The following NIPA2 variants were observed in gnomAD, a reference collection of about 807,000 sequenced individuals.
NIPA2 encodes the protein NIPA magnesium transporter 2.
NIPA2 carries 11 observed loss-of-function variants against 29.7 expected under a neutral mutation model. The observed-to-expected ratio is 0.37, with a 90% confidence interval of 0.23 to 0.61. NIPA2 has a LOEUF of 0.61. Ranked by LOEUF, NIPA2 falls within the 20% of genes least tolerant of loss-of-function variation. The pLI is 0.66. For synonymous variants in NIPA2, 183 were observed against 161.9 expected, an observed-to-expected ratio of 1.13 and a Z score of -0.99; for missense variants, 426 against 437.9, an observed-to-expected ratio of 0.97 and a Z score of 0.24.
chr15:22,859,290 C>CTTTTTTTT (rs60644942), intron 6 of NIPA2, among the ~76,000 whole-genome samples: 3 of 97,342 alleles, frequency 3.1e-5, no homozygotes, highest in African/African-American at 4.0e-5. Flanking sequence ...ATTTCTTTTT[C>CTTTTTTTT]TTTTTTTTTT....
At chr15:22,860,030 T>C (rs2058510978) in intron 6 of NIPA2, among the ~76,000 whole-genome samples, 1 of 151,576 alleles carries the variant, frequency 6.6e-6, no homozygotes, top group African/African-American at 2.4e-5. Context: ...GAGATTCTTT[T>C]TTTTTTTTTT....
rs1313177990 is a variant in NIPA2, at chr15:22,866,199, T to C, written c.449-14T>C. On this transcript the variant is annotated splice_polypyrimidine_tract_variant and intron_variant, in intron 7 of 7. Transcript: ENST00000337451. ...AACCATTTGACTCATGTAACTTTTC[T>C]TTGCCTCCTCCAGGTTTTGTGGTCT... 6.2e-7 allele frequency: 1 copy of C among 1,603,246 alleles called. No homozygotes were observed. The highest frequency in any genetic ancestry group is 1.1e-5 in the South Asian group (1 of 90,260).
chr15:22,866,459 A>G lies in NIPA2; in HGVS notation c.695A>G (p.Gln232Arg), dbSNP rs879489512. ...AGCCTCATCGTCTGTGTGAGCACAC[A>G]GATTAATTACCTAAATAGGGCCCTG... ...LLSLIVCVST[Q>R]INYLNRALDI... The change falls in exon 8 of 8, where the codon CAG becomes CGG. Residue 232 changes from glutamine (Q) to arginine (R), a missense_variant. Coordinates refer to ENST00000337451, the MANE Select transcript of NIPA2 (RefSeq NM_030922.7). The G allele has an allele frequency of 5.0e-6, 8 of 1,614,056 alleles. No individual in the cohort carries two copies. The Admixed American group carries it at 5.0e-5, about 10-fold the overall frequency.
intron 3 of NIPA2, among the ~76,000 whole-genome samples, chr15:22,846,740 TG>T (rs1898747615): frequency 6.6e-6 from 1 of 151,308 alleles, no homozygotes; most frequent in Non-Finnish European, 1.5e-5. Context: ...CACTTGAGCC[TG>T]GGAAGTCGAG....
Position 22,860,609 on chromosome 15 carries a change from T to G in NIPA2, c.288-20T>G. The G allele has an allele frequency of 6.6e-7, 1 of 1,508,312 alleles. No homozygotes were observed. Among genetic ancestry groups the G allele is most frequent in the East Asian group, 2.4e-5 (1 of 41,376 alleles). 93.4% of individuals were successfully genotyped at this position (1,508,312 alleles called of 1,614,324 possible). A position where few individuals can be genotyped will look rare whatever the true frequency, so the allele number is the denominator to read the frequency against. ...AAGTAGCTGATTAAAGTTCTCAATT[T>G]TTTTTCCTCCCCATTTTAGTGCCAT... On this transcript the variant is annotated intron_variant, in intron 6 of 7. Transcript: ENST00000337451.
intron 4 of NIPA2, among the ~76,000 whole-genome samples, chr15:22,852,091 C>T (rs751619633): frequency 5.3e-5 from 8 of 152,176 alleles, no homozygotes; most frequent in Non-Finnish European, 1.0e-4. Flanking sequence ...CAGTTATCAT[C>T]AAAATGGAAA....
chr15:22,855,427 A>G (rs559151673), intron 5 of NIPA2, among the ~76,000 whole-genome samples: 1 of 152,104 alleles, frequency 6.6e-6, no homozygotes, highest in Admixed American at 6.5e-5. Context: ...AAAAAAAAAA[A>G]ATATTCTGAA....
intron 7 of NIPA2, among the ~76,000 whole-genome samples, chr15:22,865,027 A>G (rs1470858989): frequency 6.6e-6 from 1 of 151,772 alleles, no homozygotes; most frequent in Admixed American, 6.6e-5. Context: ...ACGCCTGGCT[A>G]ATTTTTGTAT....
At chr15:22,846,117 G>T (rs540859208) in intron 3 of NIPA2, among the ~76,000 whole-genome samples, 20 of 152,296 alleles carry the variant, frequency 1.3e-4, no homozygotes, top group Non-Finnish European at 2.4e-4. Context: ...AAGTTTCTTA[G>T]TCTTTCGCTT....
In NIPA2 at chr15:22,860,360, T is replaced by G. The variant is rs142014258; in HGVS notation, c.288-269T>G. 3.8e-3 allele frequency among the ~76,000 whole-genome samples: 584 copies of G among 152,296 alleles called. 6 individuals carry two copies. Among genetic ancestry groups the G allele is most frequent in the African/African-American group, 0.013 (540 of 41,556 alleles). ...AATTAGGATATAAATGTATACAAATTTGTTCTTTATTATAAATTTCATACT... is the reference window on the plus strand; with the variant it reads ...AATTAGGATATAAATGTATACAAATGTGTTCTTTATTATAAATTTCATACT... On this transcript the variant is annotated intron_variant, in intron 6 of 7. Coordinates refer to ENST00000337451, the MANE Select transcript of NIPA2 (RefSeq NM_030922.7).
intron 5 of NIPA2, 93 bp from the exon 6 acceptor site, chr15:22,858,447 A>C: frequency 1.6e-6 from 1 of 643,074 alleles, no homozygotes; most frequent in Admixed American, 3.2e-5. Flanking sequence ...AATACAGTTG[A>C]AATAATATAT....
intron 2 of NIPA2, among the ~76,000 whole-genome samples, chr15:22,843,675 G>T (rs1897783205): frequency 6.6e-6 from 1 of 150,854 alleles, no homozygotes; most frequent in Admixed American, 6.6e-5. Flanking sequence ...TTTTGAGACG[G>T]AGTCTCGCCC....
intron 1 of NIPA2, 75 bp downstream of exon 1, chr15:22,838,996 G>A (rs1220254797): frequency 1.3e-5 from 2 of 152,208 alleles, no homozygotes; most frequent in African/African-American, 4.8e-5. Flanking sequence ...GCCTTGTGTC[G>A]GAGAAGGGTT....
chr15:22,851,934 G>A, intron 4 of NIPA2, 64 bp downstream of exon 4: 1 of 1,363,888 alleles, frequency 7.3e-7, no homozygotes, highest in South Asian at 1.3e-5. Flanking sequence ...CAGGTTCTTT[G>A]TACAAGACCA....
chr15:22,854,347 G>C (rs936851937), intron 5 of NIPA2, among the ~76,000 whole-genome samples: 1 of 151,588 alleles, frequency 6.6e-6, no homozygotes. Flanking sequence ...GGATGGTCTC[G>C]ATCTCCTGAC....
rs1566880567 is a variant in NIPA2, at chr15:22,866,744, T to C, written c.980T>C (p.Met327Thr). 9 of 1,613,876 alleles carry C rather than the reference T, an allele frequency of 5.6e-6. No homozygotes were observed. Among genetic ancestry groups the C allele is most frequent in the Non-Finnish European group, 7.6e-6 (9 of 1,179,782 alleles). The change falls in exon 8 of 8, where the codon ATG becomes ACG. Residue 327 changes from methionine (M) to threonine (T), a missense_variant. Coordinates refer to ENST00000337451, the MANE Select transcript of NIPA2 (RefSeq NM_030922.7). ...EKAMNGNLSN[M>T]YEVLNNNEES... ...GCAATGAATGGCAATCTCTCTAATA[T>C]GTATGAAGTTCTTAATAATAATGAA...
In NIPA2 at chr15:22,867,076, A is replaced by G. The variant is rs1354204704; in HGVS notation, c.*229A>G. The G allele has an allele frequency of 9.9e-6, 5 of 507,496 alleles. No homozygotes were observed. The highest frequency in any genetic ancestry group is 3.4e-6 in the Non-Finnish European group (1 of 292,086). The allele number at this position is 507,496 out of a possible 1,614,324, so 31.4% of individuals were successfully genotyped here. On this transcript the variant is annotated 3_prime_UTR_variant, in exon 8 of 8. Coordinates refer to ENST00000337451, the MANE Select transcript of NIPA2 (RefSeq NM_030922.7). ...ATTTCTATTAACATTTTATTGTTGTAGAAGTATTTTACATTTTCATCCCTT... is the reference window on the plus strand; with the variant it reads ...ATTTCTATTAACATTTTATTGTTGTGGAAGTATTTTACATTTTCATCCCTT...
chr15:22,850,286 AT>A (rs1319684627), intron 3 of NIPA2, among the ~76,000 whole-genome samples: 4 of 151,974 alleles, frequency 2.6e-5, no homozygotes, highest in Non-Finnish European at 5.9e-5. Context: ...TCCTGTGGCT[AT>A]GGCAGGGTGC....
intron 4 of NIPA2, 74 bp downstream of exon 4, chr15:22,851,944 A>C: frequency 7.8e-7 from 1 of 1,275,220 alleles, no homozygotes; most frequent in Non-Finnish European, 1.1e-6. Flanking sequence ...GTACAAGACC[A>C]CATCTTCATT....
Sources: gnomAD v4.1 joint callset for allele counts (sites outside exome capture counted in the v4.1 genomes callset) on GRCh38, gnomAD v4.1.1 for gene constraint, MANE v1.5 for transcripts, NCBI Gene and HGNC (gene_info 2026-07-23, HGNC 2026-07-21) for gene names.